HEMK2: variants seen among roughly 807,000 people sequenced by gnomAD.
The protein encoded by HEMK2 is HemK methyltransferase 2, ETF1 glutamine and histone H4 lysine, also known as methyltransferase HEMK2.
chr21:28,765,740 C>T, the HEMK2 span, among the ~76,000 whole-genome samples: 1 of 152,006 alleles, frequency 6.6e-6, no homozygotes, highest in Non-Finnish European at 1.5e-5. Flanking sequence ...CAGAATCAAC[C>T]TCCAAACAGA....
At chr21:28,803,435 G>A in the HEMK2 span, among the ~76,000 whole-genome samples, 2 of 152,114 alleles carry the variant, frequency 1.3e-5, no homozygotes, top group Non-Finnish European at 2.9e-5. Context: ...CAATTAAATT[G>A]TGAAACCCAA....
At chr21:28,753,832 C>G in the HEMK2 span, among the ~76,000 whole-genome samples, 1 of 152,088 alleles carries the variant, frequency 6.6e-6, no homozygotes, top group Non-Finnish European at 1.5e-5. Flanking sequence ...TTCAAACACA[C>G]GTGCACACGC....
the HEMK2 span, among the ~76,000 whole-genome samples, chr21:28,586,538 C>A: frequency 8.5e-6 from 1 of 117,984 alleles, no homozygotes; most frequent in Non-Finnish European, 2.0e-5. Context: ...TAAACAACTA[C>A]CTCATTTGCA....
At chr21:28,795,300 C>A in the HEMK2 span, among the ~76,000 whole-genome samples, 1 of 152,188 alleles carries the variant, frequency 6.6e-6, no homozygotes, top group Admixed American at 6.5e-5. Flanking sequence ...GGGTGAGGAA[C>A]TTGCCCCAAT....
the HEMK2 span, among the ~76,000 whole-genome samples, chr21:28,710,972 T>C: frequency 1.3e-5 from 2 of 152,162 alleles, no homozygotes; most frequent in Non-Finnish European, 2.9e-5. Flanking sequence ...ATAACCCGTC[T>C]TTTCTGCTGG....
chr21:28,620,660 C>CTTTTTTTTTTTTTTTTTTTTTTT, the HEMK2 span, among the ~76,000 whole-genome samples: 55 of 49,652 alleles, frequency 1.1e-3, 13 homozygotes, highest in East Asian at 7.5e-3. Flanking sequence ...TCTCTCTTTT[C>CTTTTTTTTTTTTTTTTTTTTTTT]TTTTTTTTTT....
chr21:28,876,981 A>AAAGG, the HEMK2 span, among the ~76,000 whole-genome samples: 1 of 119,442 alleles, frequency 8.4e-6, no homozygotes, highest in African/African-American at 3.3e-5. Context: ...GAACTAAGAC[A>AAAGG]ATGGAGGGAG....
At chr21:28,655,763 A>G in the HEMK2 span, among the ~76,000 whole-genome samples, 5 of 152,126 alleles carry the variant, frequency 3.3e-5, no homozygotes, top group Non-Finnish European at 7.4e-5. Context: ...TTCCCAAAAC[A>G]CACAGCTCAG....
chr21:28,575,759 CT>C, the HEMK2 span, among the ~76,000 whole-genome samples: 1 of 152,184 alleles, frequency 6.6e-6, no homozygotes, highest in Non-Finnish European at 1.5e-5. Context: ...TCCTTCCTTC[CT>C]TTTTCCAGTC....
At chr21:28,697,778 C>CCAAAAAA in the HEMK2 span, among the ~76,000 whole-genome samples, 19 of 79,532 alleles carry the variant, frequency 2.4e-4, no homozygotes, top group Non-Finnish European at 3.7e-4. Context: ...ATCATGAGCC[C>CCAAAAAA]AAAAAAAAAA....
chr21:28,818,716 T>G, the HEMK2 span, among the ~76,000 whole-genome samples: 1 of 152,200 alleles, frequency 6.6e-6, no homozygotes, highest in Admixed American at 6.5e-5. Flanking sequence ...TCACAGGGAC[T>G]GCATCACAGT....
the HEMK2 span, among the ~76,000 whole-genome samples, chr21:28,854,401 C>T: frequency 2.0e-5 from 3 of 151,612 alleles, no homozygotes; most frequent in Non-Finnish European, 4.4e-5. Context: ...AGAACTCCAA[C>T]CTTAATATTT....
At chr21:28,579,349 T>C in the HEMK2 span, among the ~76,000 whole-genome samples, 1 of 152,206 alleles carries the variant, frequency 6.6e-6, no homozygotes, top group Non-Finnish European at 1.5e-5. Flanking sequence ...AGATATATAA[T>C]TGTATATTCT....
At chr21:28,644,323 C>T in the HEMK2 span, among the ~76,000 whole-genome samples, 14 of 152,182 alleles carry the variant, frequency 9.2e-5, no homozygotes, top group East Asian at 1.2e-3. Context: ...ATGGGGAGAC[C>T]GCCCCATAAT....
the HEMK2 span, among the ~76,000 whole-genome samples, chr21:28,618,479 TG>T: frequency 1.3e-5 from 2 of 152,326 alleles, no homozygotes; most frequent in East Asian, 3.8e-4. Context: ...ATAAAAGATT[TG>T]TGTCAAAACT....
chr21:28,710,767 A>G, the HEMK2 span, among the ~76,000 whole-genome samples: 5 of 152,302 alleles, frequency 3.3e-5, no homozygotes, highest in African/African-American at 1.2e-4. Flanking sequence ...GAATCAAGTG[A>G]TCCTGTCTCA....
At chr21:28,615,185 A>C in the HEMK2 span, among the ~76,000 whole-genome samples, 1 of 152,332 alleles carries the variant, frequency 6.6e-6, no homozygotes, top group South Asian at 2.1e-4. Flanking sequence ...TCTTAGAAAG[A>C]TCTGTAGTTC....
At chr21:28,653,100 G>A in the HEMK2 span, among the ~76,000 whole-genome samples, 8 of 151,866 alleles carry the variant, frequency 5.3e-5, no homozygotes, top group African/African-American at 1.7e-4. Context: ...GCCAACTCTC[G>A]GCACACTTCA....
the HEMK2 span, among the ~76,000 whole-genome samples, chr21:28,793,377 C>T: frequency 1.3e-5 from 2 of 152,210 alleles, no homozygotes; most frequent in Admixed American, 6.5e-5. Context: ...GTCAAAAGAC[C>T]TTTGCCACTT....
Sources: gnomAD v4.1 joint callset for allele counts (sites outside exome capture counted in the v4.1 genomes callset) on GRCh38, gnomAD v4.1.1 for gene constraint, MANE v1.5 for transcripts, NCBI Gene and HGNC (gene_info 2026-07-23, HGNC 2026-07-21) for gene names.